Variants in TXNDC11 observed in about 807,000 individuals in gnomAD.
TXNDC11 encodes the protein thioredoxin domain containing 11.
A neutral mutation model predicts 78.0 loss-of-function variants in TXNDC11; 68 were observed. That is an observed-to-expected ratio of 0.87 (90% CI 0.72 to 1.07). The LOEUF (loss-of-function observed/expected upper bound fraction) is 1.07, where lower values mean the gene tolerates loss of function less well. Ranked by LOEUF, TXNDC11 falls within the 50% of genes least tolerant of loss-of-function variation. The pLI is 0.00. For missense variants in TXNDC11, 1,389 were observed against 1,221.8 expected (o/e 1.14, Z -2.04); for synonymous variants, 571 against 495.2 (o/e 1.15, Z -2.03).
At chr16:11,715,054 C>T (rs1313608869) in intron 5 of TXNDC11, among the ~76,000 whole-genome samples, 1 of 152,048 alleles carries the variant, frequency 6.6e-6, no homozygotes, top group Admixed American at 6.5e-5. Context: ...AGTTCCAGAC[C>T]AGCCTGGGCA....
rs776819891 is a variant in TXNDC11 at position 11,686,896 on chromosome 16, TCA to T, written c.2153+959_2153+960del. ...GCAACTTGTCGAATCTTTCTATGTC[TCA>T]GTTTCCTCCTCAACACAAATAGCAC... On this transcript the variant is annotated intron_variant, in intron 10 of 11. Transcript: ENST00000283033. 4.6e-5 allele frequency among the ~76,000 whole-genome samples: 7 copies of T among 152,344 alleles called. No individual in the cohort carries two copies. The East Asian group carries it at 9.6e-4, about 21-fold the overall frequency.
intron 5 of TXNDC11, among the ~76,000 whole-genome samples, chr16:11,711,080 A>T (rs1275569226): frequency 6.6e-6 from 1 of 152,128 alleles, no homozygotes; most frequent in East Asian, 1.9e-4. Flanking sequence ...AACTTCCCCT[A>T]GGCCTTGAAA....
chr16:11,729,538 TA>T (rs2051983112), intron 4 of TXNDC11, among the ~76,000 whole-genome samples: 1 of 152,156 alleles, frequency 6.6e-6, no homozygotes, highest in Non-Finnish European at 1.5e-5. Flanking sequence ...ATACAGAATA[TA>T]AATAGTGCGA....
intron 10 of TXNDC11, among the ~76,000 whole-genome samples, chr16:11,684,907 C>A (rs753895511): frequency 6.6e-6 from 1 of 152,200 alleles, no homozygotes; most frequent in Admixed American, 6.5e-5. Flanking sequence ...ATCCTCCTTG[C>A]GGAGGGGCTA....
intron 8 of TXNDC11, among the ~76,000 whole-genome samples, chr16:11,689,167 T>C (rs749972920): frequency 4.0e-5 from 6 of 151,810 alleles, no homozygotes; most frequent in African/African-American, 1.2e-4. Flanking sequence ...TAGCTCACTG[T>C]AGCCTTAAAC....
intron 1 of TXNDC11, chr16:11,742,131 A>C: frequency 1.8e-5 from 5 of 281,398 alleles, no homozygotes; most frequent in Non-Finnish European, 2.6e-5. Flanking sequence ...CTTAAGGGGA[A>C]TGAAATCGGT....
chr16:11,692,095 G>A lies in TXNDC11; in HGVS notation c.1108-13C>T, dbSNP rs2050738421. On this transcript the variant is annotated splice_polypyrimidine_tract_variant and intron_variant, in intron 7 of 11. Coordinates refer to ENST00000283033, the MANE Select transcript of TXNDC11 (RefSeq NM_015914.7). ...CCACTTCGGTGATCTGAAATACAGG[G>A]CAGAGTTGGTGAAGGGCTTGGGGAT... is the stretch of plus-strand genomic sequence containing the variant. 2.0e-6 allele frequency: 3 copies of A among 1,515,672 alleles called. No homozygotes were observed. Among genetic ancestry groups the A allele is most frequent in the African/African-American group, 2.8e-5 (2 of 71,658 alleles). The allele number at this position is 1,515,672 out of a possible 1,614,324, so 93.9% of individuals were successfully genotyped here.
At chr16:11,733,960 A>G in intron 3 of TXNDC11, 22 bp downstream of exon 3, 1 of 1,524,178 alleles carries the variant, frequency 6.6e-7, no homozygotes, top group African/African-American at 1.4e-5. Flanking sequence ...GGAATGAGAG[A>G]CGCTATTTAA....
chr16:11,694,376 G>A (rs1218875702), intron 7 of TXNDC11, among the ~76,000 whole-genome samples: 1 of 151,936 alleles, frequency 6.6e-6, no homozygotes, highest in African/African-American at 2.4e-5. Flanking sequence ...CTGACCTCAG[G>A]TGATCCACCT....
chr16:11,742,499 G>A lies in TXNDC11; in HGVS notation c.232C>T (p.Leu78Phe), dbSNP rs1466554405. The A allele has an allele frequency of 3.4e-6, 5 of 1,453,248 alleles. No individual in the cohort carries two copies. In the East Asian group the frequency reaches 9.0e-5, roughly 26 times the overall value. 90.0% of individuals were successfully genotyped at this position (1,453,248 alleles called of 1,614,324 possible). A position where few individuals can be genotyped will look rare whatever the true frequency, so the allele number is the denominator to read the frequency against. The change falls in exon 1 of 12, where the codon CTC (leucine) becomes TTC (phenylalanine). Residue 78 changes from leucine (L) to phenylalanine (F), a missense_variant. By Grantham distance (22) the Leu-to-Phe change is conservative. Transcript: ENST00000283033. Reference protein sequence around the residue: ...GAVALGCALLLALKFTCSRAK... With the variant: ...GAVALGCALLFALKFTCSRAK... ...CACCTGCAGGTGAACTTGAGGGCGAGGAGCAGCGCGCAGCCGAGCGCCACG... is the reference window on the plus strand; with the variant it reads ...CACCTGCAGGTGAACTTGAGGGCGAAGAGCAGCGCGCAGCCGAGCGCCACG...
At chr16:11,698,564 G>C (rs1041112105) in intron 6 of TXNDC11, among the ~76,000 whole-genome samples, 1 of 152,264 alleles carries the variant, frequency 6.6e-6, no homozygotes. Flanking sequence ...TCATCTTTCT[G>C]CCTTGAGACA....
chr16:11,680,861 GGGGC>G (rs1292377313), intron 11 of TXNDC11, among the ~76,000 whole-genome samples: 1 of 152,168 alleles, frequency 6.6e-6, no homozygotes, highest in Non-Finnish European at 1.5e-5. Flanking sequence ...TTCTTCAAGT[GGGGC>G]CCAGCCATTC....
intron 5 of TXNDC11, among the ~76,000 whole-genome samples, chr16:11,707,306 C>A (rs1038127048): frequency 6.0e-5 from 9 of 149,608 alleles, no homozygotes; most frequent in Non-Finnish European, 1.2e-4. Flanking sequence ...GTAGTCCCAG[C>A]TATTTGGGAG....
intron 6 of TXNDC11, among the ~76,000 whole-genome samples, chr16:11,699,720 G>C (rs933122545): frequency 6.6e-6 from 1 of 152,242 alleles, no homozygotes; most frequent in East Asian, 1.9e-4. Flanking sequence ...GGGGGGCGCA[G>C]GTTTTAAAGG....
intron 5 of TXNDC11, among the ~76,000 whole-genome samples, chr16:11,720,402 AT>A (rs2141085651): frequency 1.3e-5 from 2 of 149,466 alleles, no homozygotes; most frequent in East Asian, 3.9e-4. Flanking sequence ...ACAAAAAAAG[AT>A]TATGATGTAA....
chr16:11,720,618 T>C (rs937509880), intron 5 of TXNDC11, among the ~76,000 whole-genome samples: 1 of 152,196 alleles, frequency 6.6e-6, no homozygotes, highest in African/African-American at 2.4e-5. Context: ...GGTTTCGTCA[T>C]GTTGGCCAGA....
At chr16:11,720,207 T>C (rs1356382073) in intron 5 of TXNDC11, among the ~76,000 whole-genome samples, 1 of 152,056 alleles carries the variant, frequency 6.6e-6, no homozygotes, top group Non-Finnish European at 1.5e-5. Context: ...CACCAAACAA[T>C]ATACAATTCA....
At position 11,733,965 on chromosome 16, in the gene TXNDC11, A is replaced by AT. The variant is rs750074917; in HGVS notation, c.569+16dup. On this transcript the variant is annotated intron_variant, in intron 3 of 11. Transcript: ENST00000283033. Reference sequence around the variant, plus strand: ...AAACTAAACTGGAATGAGAGACGCTATTTAAAAAGTTCTTACCTCCGATGA... The same window carrying AT: ...AAACTAAACTGGAATGAGAGACGCTATTTTAAAAAGTTCTTACCTCCGATGA... 17 of 1,558,744 alleles carry AT rather than the reference A, an allele frequency of 1.1e-5. No individual in the cohort carries two copies. In the Admixed American group the frequency reaches 2.8e-4, roughly 25 times the overall value.
chr16:11,684,357 G>T lies in TXNDC11; in HGVS notation c.2154-112C>A, dbSNP rs2050510120. 10 of 706,974 alleles carry T rather than the reference G, an allele frequency of 1.4e-5. No homozygotes were observed. In the South Asian group the frequency reaches 1.7e-4, roughly 12 times the overall value. The allele number at this position is 706,974 out of a possible 1,614,324, so 43.8% of individuals were successfully genotyped here. A position where few individuals can be genotyped will look rare whatever the true frequency, so the allele number is the denominator to read the frequency against. ...TGGTGCATTTTTTACACCCCACATT[G>T]GGCTAGTCCCTTCTCGATGAATGTA... On this transcript the variant is annotated intron_variant, in intron 10 of 11. Coordinates refer to ENST00000283033, the MANE Select transcript of TXNDC11 (RefSeq NM_015914.7).
Sources: allele counts gnomAD v4.1 joint callset (sites outside exome capture counted in the v4.1 genomes callset), GRCh38; gene constraint gnomAD v4.1.1; transcripts MANE v1.5; gene names NCBI Gene and HGNC (gene_info 2026-07-23, HGNC 2026-07-21).